WWOX: variants seen among roughly 807,000 people sequenced by gnomAD.
WWOX encodes the protein WW domain containing oxidoreductase.
A neutral mutation model predicts 46.2 loss-of-function variants in WWOX; 69 were observed. That is an observed-to-expected ratio of 1.49 (90% confidence interval 1.23 to 1.82). WWOX has a LOEUF of 1.82. WWOX is among the 40% of genes most tolerant of loss of function. WWOX has a pLI of 0.00. For synonymous variants in WWOX, 359 were observed against 202.6 expected (o/e 1.77, Z -6.56); for missense variants, 919 against 542.6 (o/e 1.69, Z -6.89).
Position 78,733,928 on chromosome 16 carries a change from G to A in WWOX, c.1056+301176G>A, listed in dbSNP as rs149290528. 2.8e-3 allele frequency among the ~76,000 whole-genome samples: 429 copies of A among 151,790 alleles called. 4 individuals carry two copies. Among genetic ancestry groups the A allele is most frequent in the Middle Eastern group, 0.017 (5 of 294 alleles). ...AAAAAATAAAACAGCTAGGCATAGAGGCACACCTGTGGTCCCAGGTAGTTG... is the reference window on the plus strand; with the variant it reads ...AAAAAATAAAACAGCTAGGCATAGAAGCACACCTGTGGTCCCAGGTAGTTG... On this transcript the variant is annotated intron_variant, in intron 8 of 8. Coordinates refer to ENST00000566780, the MANE Select transcript of WWOX (RefSeq NM_016373.4).
chr16:78,901,641 C>G (rs1168460520), intron 8 of WWOX, among the ~76,000 whole-genome samples: 1 of 152,128 alleles, frequency 6.6e-6, no homozygotes, highest in Non-Finnish European at 1.5e-5. Flanking sequence ...GCATGGGCCA[C>G]CACGCTGGGT....
intron 5 of WWOX, chr16:78,355,961 A>G (rs113125376): frequency 0.099 from 20,146 of 203,652 alleles, 1,322 homozygotes; most frequent in African/African-American, 0.2. Context: ...GGATTCTTCC[A>G]CTCCTGAAAT....
intron 4 of WWOX, among the ~76,000 whole-genome samples, chr16:78,127,474 G>C (rs1175016147): frequency 6.7e-6 from 1 of 148,916 alleles, no homozygotes; most frequent in Non-Finnish European, 1.5e-5. Context: ...AATTTTTTTG[G>C]CTGGAGGTCA....
intron 8 of WWOX, among the ~76,000 whole-genome samples, chr16:78,842,446 T>C (rs1269826230): frequency 6.6e-6 from 1 of 151,848 alleles, no homozygotes; most frequent in Non-Finnish European, 1.5e-5. Context: ...GTGGCTATGG[T>C]GAGCTAGGAT....
intron 8 of WWOX, among the ~76,000 whole-genome samples, chr16:78,733,704 G>A (rs1217419930): frequency 2.0e-5 from 3 of 150,102 alleles, no homozygotes; most frequent in South Asian, 2.1e-4. Flanking sequence ...GCAGTGAGCC[G>A]AGATCATGCC....
At chr16:78,259,877 T>A (rs2038232080) in intron 5 of WWOX, among the ~76,000 whole-genome samples, 1 of 151,452 alleles carries the variant, frequency 6.6e-6, no homozygotes. Context: ...ATGCTTATAT[T>A]ATTTATAGAC....
At chr16:78,519,262 T>TA (rs1305897092) in intron 8 of WWOX, among the ~76,000 whole-genome samples, 3 of 152,044 alleles carry the variant, frequency 2.0e-5, no homozygotes, top group Non-Finnish European at 2.9e-5. Flanking sequence ...GCGGAGTGCC[T>TA]AGAACCCAAT....
chr16:78,710,015 G>C (rs1340263750), intron 8 of WWOX, among the ~76,000 whole-genome samples: 1 of 152,148 alleles, frequency 6.6e-6, no homozygotes, highest in Non-Finnish European at 1.5e-5. Flanking sequence ...ACAGGCGTCA[G>C]CCACCGCCCC....
intron 5 of WWOX, among the ~76,000 whole-genome samples, chr16:78,238,723 G>A (rs1020082121): frequency 6.6e-6 from 1 of 151,852 alleles, no homozygotes; most frequent in Non-Finnish European, 1.5e-5. Flanking sequence ...AGGTTCAAGC[G>A]ATTCTCCTGC....
intron 6 of WWOX, among the ~76,000 whole-genome samples, chr16:78,391,834 C>G (rs1448316212): frequency 6.6e-6 from 1 of 152,124 alleles, no homozygotes. Context: ...GACTCTGTCT[C>G]AAACAAATTA....
intron 5 of WWOX, among the ~76,000 whole-genome samples, chr16:78,228,139 C>A (rs903898830): frequency 2.0e-5 from 3 of 152,092 alleles, no homozygotes; most frequent in African/African-American, 7.2e-5. Flanking sequence ...GGGCCCATCT[C>A]TTCCAGCCTT....
At chr16:78,500,349 C>A (rs1414075138) in intron 8 of WWOX, among the ~76,000 whole-genome samples, 1 of 152,224 alleles carries the variant, frequency 6.6e-6, no homozygotes, top group Non-Finnish European at 1.5e-5. Flanking sequence ...CAGTTTTACT[C>A]TGCACAAAAT....
At chr16:79,192,597 G>C (rs1011420407) in intron 8 of WWOX, among the ~76,000 whole-genome samples, 9 of 152,204 alleles carry the variant, frequency 5.9e-5, no homozygotes, top group African/African-American at 2.2e-4. Context: ...AAGGTGCCTA[G>C]GTATTCAGAA....
intron 8 of WWOX, among the ~76,000 whole-genome samples, chr16:78,479,489 G>T (rs1047709284): frequency 6.6e-6 from 1 of 152,154 alleles, no homozygotes; most frequent in Non-Finnish European, 1.5e-5. Flanking sequence ...TGCAAATATG[G>T]TAGTACTGTG....
chr16:79,143,117 A>G (rs987360601), intron 8 of WWOX, among the ~76,000 whole-genome samples: 4 of 152,202 alleles, frequency 2.6e-5, no homozygotes, highest in African/African-American at 9.6e-5. Context: ...AAAAAGTTTA[A>G]GGGACTGTTT....
At chr16:78,190,192 A>G (rs770773342) in intron 5 of WWOX, among the ~76,000 whole-genome samples, 3 of 152,202 alleles carry the variant, frequency 2.0e-5, no homozygotes, top group African/African-American at 4.8e-5. Context: ...AGGCCAGACC[A>G]GTCCCTAGCC....
At chr16:78,870,418 C>G (rs908426555) in intron 8 of WWOX, among the ~76,000 whole-genome samples, 1 of 152,042 alleles carries the variant, frequency 6.6e-6, no homozygotes, top group Non-Finnish European at 1.5e-5. Flanking sequence ...AAGGTCCAAG[C>G]TTGAATGACC....
intron 8 of WWOX, among the ~76,000 whole-genome samples, chr16:78,826,893 G>A (rs1027144098): frequency 6.6e-6 from 1 of 152,150 alleles, no homozygotes; most frequent in Non-Finnish European, 1.5e-5. Flanking sequence ...CCTGTAAGTG[G>A]AAGTGGTATT....
chr16:78,617,036 T>C (rs1160176066), intron 8 of WWOX, among the ~76,000 whole-genome samples: 2 of 152,224 alleles, frequency 1.3e-5, no homozygotes, highest in Non-Finnish European at 2.9e-5. Context: ...AGCCTTGCCA[T>C]GCATCTCTAA....
Sources: allele counts gnomAD v4.1 joint callset (sites outside exome capture counted in the v4.1 genomes callset), GRCh38; gene constraint gnomAD v4.1.1; transcripts MANE v1.5; gene names NCBI Gene and HGNC (gene_info 2026-07-23, HGNC 2026-07-21).